Variants in PTPRD observed in about 807,000 individuals in gnomAD.
The protein encoded by PTPRD is receptor-type tyrosine-protein phosphatase delta.
Under a neutral mutation model 214.5 loss-of-function variants are expected in PTPRD, and 34 were observed. The ratio of observed to expected loss-of-function variants is 0.16; its 90% CI spans 0.12 to 0.21. The LOEUF (loss-of-function observed/expected upper bound fraction) is 0.21. PTPRD is among the 10% of genes least tolerant of loss of function. The probability of loss-of-function intolerance (pLI) is 1.00; values close to 1 mark genes in which losing one functional copy is unlikely to be tolerated. For missense variants in PTPRD, 2,545 were observed against 2,398.7 expected (o/e 1.06, Z -1.27); for synonymous variants, 1,128 against 845.7 (o/e 1.33, Z -5.79).
chr9:8,866,162 C>G (rs1429550606), intron 11 of PTPRD, among the ~76,000 whole-genome samples: 4 of 152,168 alleles, frequency 2.6e-5, no homozygotes, highest in African/African-American at 9.6e-5. Flanking sequence ...ACTAGTAACA[C>G]TGAACAAGTC....
intron 5 of PTPRD, among the ~76,000 whole-genome samples, chr9:9,902,681 A>T (rs1292457250): frequency 6.6e-6 from 1 of 152,184 alleles, no homozygotes; most frequent in Non-Finnish European, 1.5e-5. Flanking sequence ...CACATTCAAA[A>T]TCATGGGGTG....
At chr9:8,795,322 C>A (rs922910915) in intron 11 of PTPRD, among the ~76,000 whole-genome samples, 2 of 151,970 alleles carry the variant, frequency 1.3e-5, no homozygotes, top group East Asian at 1.9e-4. Context: ...CACTACTACT[C>A]CCAGATAATT....
intron 5 of PTPRD, among the ~76,000 whole-genome samples, chr9:9,899,511 A>G (rs549326308): frequency 2.0e-5 from 3 of 152,244 alleles, no homozygotes; most frequent in Middle Eastern, 3.4e-3. Flanking sequence ...ATCACCTCAC[A>G]CTGCTGTTAG....
chr9:8,497,749 C>G (rs935983291), intron 25 of PTPRD, among the ~76,000 whole-genome samples: 1 of 151,796 alleles, frequency 6.6e-6, no homozygotes, highest in Non-Finnish European at 1.5e-5. Flanking sequence ...GGAAAAACAG[C>G]AATTAATAAA....
Position 9,976,689 on chromosome 9 carries a change from C to CAAAAAAAAAAAAAAAAAAAAAAAA in PTPRD, c.-471-38080_-471-38079insTTTTTTTTTTTTTTTTTTTTTTTT, listed in dbSNP as rs869096131. 1.1e-3 allele frequency among the ~76,000 whole-genome samples: 71 copies of CAAAAAAAAAAAAAAAAAAAAAAAA among 63,246 alleles called. 7 individuals carry two copies. The East Asian group carries it at 0.02, about 18-fold the overall frequency. 41.5% of individuals were successfully genotyped at this position (63,246 alleles called of 152,430 possible). ...GGTGTGAGCCACTACACCCTGCCAC[C>CAAAAAAAAAAAAAAAAAAAAAAAA]AAAAAAAAAAAAAAAAAAAAAAATT... On this transcript the variant is annotated intron_variant, in intron 4 of 45. Coordinates refer to ENST00000381196, the MANE Select transcript of PTPRD (RefSeq NM_002839.4).
chr9:9,222,890 C>G (rs917784144), intron 9 of PTPRD, among the ~76,000 whole-genome samples: 3 of 151,986 alleles, frequency 2.0e-5, no homozygotes, highest in South Asian at 2.1e-4. Flanking sequence ...TGCCAGAACT[C>G]TTAATGGATG....
chr9:9,584,571 G>A (rs1049787915), intron 7 of PTPRD, among the ~76,000 whole-genome samples: 8 of 151,872 alleles, frequency 5.3e-5, no homozygotes, highest in Middle Eastern at 6.8e-3. Flanking sequence ...GTGTATGAAC[G>A]TTATCCATGA....
At chr9:8,758,750 T>C (rs556630296) in intron 11 of PTPRD, among the ~76,000 whole-genome samples, 8 of 151,422 alleles carry the variant, frequency 5.3e-5, no homozygotes, top group African/African-American at 1.9e-4. Flanking sequence ...AACGAGATAT[T>C]AGAAAATAAC....
chr9:10,016,407 AG>A (rs1437843431), intron 4 of PTPRD, among the ~76,000 whole-genome samples: 1 of 150,176 alleles, frequency 6.7e-6, no homozygotes, highest in Non-Finnish European at 1.5e-5. Context: ...ACAGATAGAT[AG>A]GGAAATTCTT....
chr9:9,505,864 A>T (rs1044967880), intron 8 of PTPRD, among the ~76,000 whole-genome samples: 9 of 151,490 alleles, frequency 5.9e-5, no homozygotes, highest in African/African-American at 1.9e-4. Context: ...AACATGGGAC[A>T]TTACAACACA....
intron 11 of PTPRD, among the ~76,000 whole-genome samples, chr9:8,791,608 A>G (rs1029004113): frequency 6.7e-6 from 1 of 148,514 alleles, no homozygotes; most frequent in Non-Finnish European, 1.5e-5. Flanking sequence ...GCTCACTGCA[A>G]CCTGTGTCTC....
At chr9:9,024,334 C>CTTAGTTTT (rs1169168298) in intron 10 of PTPRD, among the ~76,000 whole-genome samples, 6 of 72,754 alleles carry the variant, frequency 8.2e-5, no homozygotes, top group African/African-American at 2.9e-4. Flanking sequence ...ATTGTCGATT[C>CTTAGTTTT]TTTGTTTTTT....
intron 12 of PTPRD, among the ~76,000 whole-genome samples, chr9:8,678,319 T>C (rs2097478593): frequency 6.6e-6 from 1 of 152,202 alleles, no homozygotes; most frequent in Admixed American, 6.5e-5. Flanking sequence ...TTTGACCTTT[T>C]CAAAACCACG....
At chr9:9,544,083 C>T (rs1300579275) in intron 8 of PTPRD, among the ~76,000 whole-genome samples, 2 of 151,546 alleles carry the variant, frequency 1.3e-5, no homozygotes, top group Non-Finnish European at 3.0e-5. Flanking sequence ...CTCTGTGATA[C>T]ACTTCAAAAT....
chr9:9,598,511 C>A (rs2093528730), intron 7 of PTPRD, among the ~76,000 whole-genome samples: 1 of 151,800 alleles, frequency 6.6e-6, no homozygotes, highest in Non-Finnish European at 1.5e-5. Context: ...AAAAAATGTT[C>A]ATGGTAGAAA....
chr9:10,500,954 G>A lies in PTPRD; in HGVS notation c.-600+111444C>T, dbSNP rs1007767858. Among the ~76,000 whole-genome samples, 6 of 151,786 alleles carry A rather than the reference G, an allele frequency of 4.0e-5. No individual in the cohort carries two copies. In the South Asian group the frequency reaches 1.2e-3, roughly 31 times the overall value. On this transcript the variant is annotated intron_variant, in intron 2 of 45. Transcript: ENST00000381196. ...CGTTCATCTGCTAATGGACACTTAG[G>A]TTGCTTACAAACCTTGGCTATTGTG... is the stretch of plus-strand genomic sequence containing the variant.
chr9:9,459,419 G>A (rs982013507), intron 8 of PTPRD, among the ~76,000 whole-genome samples: 4 of 151,946 alleles, frequency 2.6e-5, no homozygotes, highest in South Asian at 2.1e-4. Flanking sequence ...AATTATCTCC[G>A]TTTTCTGACA....
intron 4 of PTPRD, among the ~76,000 whole-genome samples, chr9:10,005,078 C>T (rs778577659): frequency 5.9e-5 from 9 of 152,082 alleles, no homozygotes; most frequent in African/African-American, 1.9e-4. Context: ...AAGTGTAAAA[C>T]GTGGACACTA....
chr9:8,726,720 G>T (rs1486068378), intron 12 of PTPRD, among the ~76,000 whole-genome samples: 2 of 139,088 alleles, frequency 1.4e-5, no homozygotes, highest in Non-Finnish European at 3.1e-5. Flanking sequence ...AGAATTGCTT[G>T]AACCCAGGAG....
Sources: gnomAD v4.1 joint callset for allele counts (sites outside exome capture counted in the v4.1 genomes callset) on GRCh38, gnomAD v4.1.1 for gene constraint, MANE v1.5 for transcripts, NCBI Gene and HGNC (gene_info 2026-07-23, HGNC 2026-07-21) for gene names.